The following ULK2 variants were observed in gnomAD, a reference collection of about 807,000 sequenced individuals.
The protein encoded by ULK2 is unc-51 like autophagy activating kinase 2.
In ULK2, 76 loss-of-function variants were observed where a neutral mutation model predicts 127.5. The ratio of observed to expected loss-of-function variants is 0.60; its 90% confidence interval spans 0.50 to 0.72. The LOEUF is 0.72. ULK2 is among the 30% of genes least tolerant of loss of function. ULK2 has a pLI of 0.00. For synonymous variants in ULK2, 452 were observed against 461.9 expected (o/e 0.98, Z 0.28); for missense variants, 1,144 against 1,295.9 (o/e 0.88, Z 1.80).
At chr17:19,837,032 G>C (rs1043544104) in intron 10 of ULK2, among the ~76,000 whole-genome samples, 4 of 151,864 alleles carry the variant, frequency 2.6e-5, no homozygotes, top group African/African-American at 4.8e-5. Flanking sequence ...GTTGCGGTGA[G>C]CTACGATCAC....
At chr17:19,840,090 A>T (rs1175860541) in intron 9 of ULK2, 3 of 352,980 alleles carry the variant, frequency 8.5e-6, no homozygotes, top group Admixed American at 3.6e-5. Flanking sequence ...TTAAAAGCAT[A>T]CAGTGGCAGG....
At position 19,796,326 on chromosome 17, in the gene ULK2, C is replaced by T. The variant is rs370293350; in HGVS notation, c.1810-44G>A. On this transcript the variant is annotated intron_variant, in intron 18 of 26. Coordinates refer to ENST00000395544, the MANE Select transcript of ULK2 (RefSeq NM_014683.4). Reference sequence around the variant, plus strand: ...ATATATATATGTAAACTAGTTAATACGATGCATGAACTATTCAGTACTGGC... The same window carrying T: ...ATATATATATGTAAACTAGTTAATATGATGCATGAACTATTCAGTACTGGC... The T allele has an allele frequency of 3.1e-5, 47 of 1,519,290 alleles. No individual in the cohort carries two copies. In the Admixed American group the frequency reaches 3.7e-4, roughly 12 times the overall value. 94.1% of individuals were successfully genotyped at this position (1,519,290 alleles called of 1,614,324 possible).
rs1004892481 is a variant in ULK2, at chr17:19,773,349, C to T, written c.*3000G>A. ...AGGTCCTCATGTCCACTGTGTCTAA[C>T]TCAACTTATTACTGTGCAGACTGAG... is the stretch of plus-strand genomic sequence containing the variant. On this transcript the variant is annotated 3_prime_UTR_variant, in exon 27 of 27. Coordinates refer to ENST00000395544, the MANE Select transcript of ULK2 (RefSeq NM_014683.4). 4.6e-5 allele frequency: 7 copies of T among 152,210 alleles called. No individual in the cohort carries two copies. Among genetic ancestry groups the T allele is most frequent in the Admixed American group, 1.3e-4 (2 of 15,278 alleles). The allele number at this position is 152,210 out of a possible 1,614,324, so 9.4% of individuals were successfully genotyped here.
chr17:19,817,337 A>G (rs1196654606), intron 12 of ULK2, among the ~76,000 whole-genome samples: 1 of 152,202 alleles, frequency 6.6e-6, no homozygotes, highest in Non-Finnish European at 1.5e-5. Context: ...TCTTACACAC[A>G]CACGTTTTAA....
At chr17:19,791,844 CAA>C (rs58434256) in intron 20 of ULK2, among the ~76,000 whole-genome samples, 483 of 48,192 alleles carry the variant, frequency 0.01, 2 homozygotes, top group African/African-American at 0.026. Flanking sequence ...ACCCTGTTTA[CAA>C]AAAAAAAAAA....
At chr17:19,818,416 C>T (rs1342438646) in intron 12 of ULK2, among the ~76,000 whole-genome samples, 4 of 152,106 alleles carry the variant, frequency 2.6e-5, no homozygotes, top group African/African-American at 7.2e-5. Flanking sequence ...CTAGATCACA[C>T]AATTAAAAAG....
chr17:19,843,446 A>T (rs575538200), intron 7 of ULK2, among the ~76,000 whole-genome samples: 26 of 152,230 alleles, frequency 1.7e-4, no homozygotes, highest in Middle Eastern at 6.8e-3. Context: ...AAAAGAGGCA[A>T]GTTATAGAAA....
intron 15 of ULK2, among the ~76,000 whole-genome samples, chr17:19,804,180 C>G (rs1301018116): frequency 6.7e-6 from 1 of 150,270 alleles, no homozygotes; most frequent in Non-Finnish European, 1.5e-5. Context: ...GCCAGGAGTT[C>G]AAGACCAGCC....
chr17:19,780,855 C>G, intron 24 of ULK2, 131 bp downstream of exon 24: 1 of 1,004,108 alleles, frequency 1.0e-6, no homozygotes, highest in Non-Finnish European at 1.5e-6. Context: ...AACAACCCAG[C>G]ATCTTTTCCC....
At chr17:19,848,274 T>A (rs1440056298) in intron 5 of ULK2, 2 of 152,240 alleles carry the variant, frequency 1.3e-5, no homozygotes, top group African/African-American at 4.8e-5. Context: ...GGATTTAGTA[T>A]CCATGTACCT....
At position 19,783,709 on chromosome 17, in the gene ULK2, C is replaced by A. The variant is rs2086967258; in HGVS notation, c.2448G>T (p.Glu816Asp). Residue 816 changes from glutamate (E) to aspartate (D), a missense_variant, in exon 22 of 27, where the codon GAG (glutamate) becomes GAT (aspartate). Coordinates refer to ENST00000395544, the MANE Select transcript of ULK2 (RefSeq NM_014683.4). ...ITFEAPELPEETLMEREHTDT... is the reference protein window; with the variant it reads ...ITFEAPELPEDTLMEREHTDT... ...GTCTCTTTTCTACCTCCATCAGCGT[C>A]TCCTCCGGCAGTTCAGGGGCTTCAA... The A allele has an allele frequency of 1.3e-6, 2 of 1,536,538 alleles. No individual in the cohort carries two copies. The highest frequency in any genetic ancestry group is 2.1e-5 in the Admixed American group (1 of 48,280).
intron 3 of ULK2, among the ~76,000 whole-genome samples, chr17:19,859,342 C>T (rs562774001): frequency 6.6e-6 from 1 of 151,928 alleles, no homozygotes; most frequent in East Asian, 1.9e-4. Context: ...GGTGAAGCTC[C>T]ATCTCTACTA....
intron 9 of ULK2, chr17:19,840,351 G>A (rs767206081): frequency 1.2e-5 from 6 of 521,020 alleles, no homozygotes; most frequent in Admixed American, 1.1e-4. Context: ...ATCAGCAAAT[G>A]TCTATCCTAA....
chr17:19,818,590 G>A (rs1458381772), intron 12 of ULK2, among the ~76,000 whole-genome samples: 3 of 151,838 alleles, frequency 2.0e-5, no homozygotes, highest in Non-Finnish European at 2.9e-5. Context: ...TTCCATGGGC[G>A]CTCCTCTCTC....
At chr17:19,860,733 A>T (rs747695990) in intron 3 of ULK2, among the ~76,000 whole-genome samples, 22 of 152,056 alleles carry the variant, frequency 1.4e-4, no homozygotes, top group Non-Finnish European at 3.2e-4. Flanking sequence ...CATGTTGGTC[A>T]CGCTGGTCTC....
chr17:19,838,881 A>T (rs2152396249), intron 9 of ULK2, among the ~76,000 whole-genome samples: 2 of 151,992 alleles, frequency 1.3e-5, no homozygotes, highest in South Asian at 4.2e-4. Context: ...GAAAAAAAAA[A>T]TTAGCTGGGC....
At position 19,867,575 on chromosome 17, in the gene ULK2, G is replaced by A; in HGVS notation, c.-158C>T. ...CGGACTCTCATGCCGAGAGACCGGAGCGGAAACTGGGGAAGCTGCCGCGCG... is the reference window on the plus strand; with the variant it reads ...CGGACTCTCATGCCGAGAGACCGGAACGGAAACTGGGGAAGCTGCCGCGCG... On this transcript the variant is annotated 5_prime_UTR_variant, in exon 1 of 27. Coordinates refer to ENST00000395544, the MANE Select transcript of ULK2 (RefSeq NM_014683.4). 2.8e-6 allele frequency: 1 copy of A among 359,284 alleles called. No individual in the cohort carries two copies. The highest frequency in any genetic ancestry group is 5.0e-5 in the Admixed American group (1 of 19,808). 22.3% of individuals were successfully genotyped at this position (359,284 alleles called of 1,614,324 possible). A position where few individuals can be genotyped will look rare whatever the true frequency, so the allele number is the denominator to read the frequency against.
At chr17:19,830,735 GAAC>G (rs1174419857) in intron 10 of ULK2, among the ~76,000 whole-genome samples, 2 of 151,454 alleles carry the variant, frequency 1.3e-5, no homozygotes, top group African/African-American at 2.4e-5. Flanking sequence ...ACACTATAAA[GAAC>G]TACTTGAGGC....
At chr17:19,830,358 A>G (rs919132303) in intron 10 of ULK2, among the ~76,000 whole-genome samples, 3 of 152,006 alleles carry the variant, frequency 2.0e-5, no homozygotes, top group Admixed American at 6.6e-5. Context: ...ATACCACTAC[A>G]CCCAGCTAAT....
Sources: gnomAD v4.1 joint callset for allele counts (sites outside exome capture counted in the v4.1 genomes callset) on GRCh38, gnomAD v4.1.1 for gene constraint, MANE v1.5 for transcripts, NCBI Gene and HGNC (gene_info 2026-07-23, HGNC 2026-07-21) for gene names.